Variants in LARGE1 observed in about 807,000 individuals in gnomAD.
LARGE1 encodes LARGE xylosyl- and glucuronyltransferase 1, also known as xylosyl- and glucuronyltransferase LARGE1.
In LARGE1, 43 loss-of-function variants were observed where a neutral mutation model predicts 87.6. That is an observed-to-expected ratio of 0.49 (90% confidence interval 0.38 to 0.63). LARGE1 has a LOEUF of 0.63. LARGE1 is among the 30% of genes least tolerant of loss of function. The probability of loss-of-function intolerance (pLI) is 0.00; values close to 1 mark genes in which losing one functional copy is unlikely to be tolerated. For missense variants in LARGE1, 802 were observed against 1,000.2 expected, an observed-to-expected ratio of 0.80 and a Z score of 2.67; for synonymous variants, 434 against 394.6, an observed-to-expected ratio of 1.10 and a Z score of -1.18.
chr22:33,181,933 C>T (rs899857387), intron 11 of LARGE1, among the ~76,000 whole-genome samples: 1 of 150,650 alleles, frequency 6.6e-6, no homozygotes, highest in Admixed American at 6.6e-5. Context: ...AGAGATTCTC[C>T]TGCCTCAGCC....
In LARGE1 at chr22:33,604,413, G is replaced by A. The variant is rs1427765520; in HGVS notation, c.615+22C>T. 4 of 1,613,796 alleles carry A rather than the reference G, an allele frequency of 2.5e-6. No individual in the cohort carries two copies. In the African/African-American group the frequency reaches 5.3e-5, roughly 22 times the overall value. On this transcript the variant is annotated intron_variant, in intron 5 of 14. Coordinates refer to ENST00000397394, the MANE Select transcript of LARGE1 (RefSeq NM_133642.5). ...CTTCCAGCTAGAGGAGATCACGGAA[G>A]TGCCTCCCCTCCTGCCCATACCTTG...
intron 10 of LARGE1, among the ~76,000 whole-genome samples, chr22:33,330,350 T>G (rs1937585075): frequency 6.6e-6 from 1 of 152,158 alleles, no homozygotes; most frequent in Admixed American, 6.5e-5. Flanking sequence ...AGGGACTGGG[T>G]TTTACTCCAT....
intron 5 of LARGE1, among the ~76,000 whole-genome samples, chr22:33,597,257 G>T (rs952448098): frequency 9.1e-5 from 13 of 142,688 alleles, no homozygotes; most frequent in Non-Finnish European, 1.8e-4. Context: ...CAATTCAGTT[G>T]CACTTCTTGG....
rs780587356 is a variant in LARGE1 at position 33,917,926 on chromosome 22, G to A, written c.-83+2069C>T. Among the ~76,000 whole-genome samples the A allele has an allele frequency of 7.9e-5, 12 of 152,080 alleles. No homozygotes were observed. The East Asian group carries it at 1.7e-3, about 22-fold the overall frequency. ...TCATGAACCCTCAAGATAAACCACA[G>A]TAACATGGGCCCTGGTGTTTTCTTC... On this transcript the variant is annotated intron_variant, in intron 1 of 14. Transcript: ENST00000397394.
chr22:33,536,104 A>G (rs911935294), intron 6 of LARGE1, among the ~76,000 whole-genome samples: 3 of 152,124 alleles, frequency 2.0e-5, no homozygotes, highest in Non-Finnish European at 4.4e-5. Flanking sequence ...ACAATACGGC[A>G]CTCTGAACAA....
rs555675340 is a variant in LARGE1 at position 33,472,049 on chromosome 22, C to CA, written c.788-39785dup. ...TGGGTGACACAGTGAGACTCTGACT[C>CA]AAAAAAAAAGAGTAGAGCCTCAGTG... On this transcript the variant is annotated intron_variant, in intron 6 of 14. Transcript: ENST00000397394. Among the ~76,000 whole-genome samples, 27 of 149,974 alleles carry CA rather than the reference C, an allele frequency of 1.8e-4. No homozygotes were observed. The East Asian group carries it at 2.5e-3, about 14-fold the overall frequency.
At chr22:33,714,588 T>C (rs184068527) in intron 2 of LARGE1, among the ~76,000 whole-genome samples, 54 of 152,284 alleles carry the variant, frequency 3.5e-4, no homozygotes, top group African/African-American at 9.1e-4. Flanking sequence ...AACAAATCAA[T>C]TGAAGGAAGG....
chr22:33,842,170 G>C (rs1405360753), intron 1 of LARGE1, among the ~76,000 whole-genome samples: 1 of 152,116 alleles, frequency 6.6e-6, no homozygotes, highest in Non-Finnish European at 1.5e-5. Flanking sequence ...AAAGCTTTTT[G>C]ATCTATTTTT....
chr22:33,343,259 C>T (rs1012633909), intron 9 of LARGE1, among the ~76,000 whole-genome samples: 1 of 152,072 alleles, frequency 6.6e-6, no homozygotes, highest in African/African-American at 2.4e-5. Context: ...GCTGGGACTA[C>T]AGGCACACAC....
intron 2 of LARGE1, among the ~76,000 whole-genome samples, chr22:33,697,740 G>A (rs1016458112): frequency 7.2e-5 from 11 of 152,018 alleles, no homozygotes; most frequent in African/African-American, 1.7e-4. Flanking sequence ...GTTCTTCAAA[G>A]AAGAAAGAGT....
intron 6 of LARGE1, among the ~76,000 whole-genome samples, chr22:33,511,158 C>T (rs1467388517): frequency 6.6e-6 from 1 of 152,180 alleles, no homozygotes; most frequent in Admixed American, 6.5e-5. Flanking sequence ...CCACATGTGG[C>T]AGCTGTACTC....
intron 2 of LARGE1, among the ~76,000 whole-genome samples, chr22:33,729,041 T>G (rs1260344426): frequency 6.6e-6 from 1 of 152,168 alleles, no homozygotes; most frequent in African/African-American, 2.4e-5. Context: ...AGAAACCAAT[T>G]TATGTAGTGT....
intron 1 of LARGE1, among the ~76,000 whole-genome samples, chr22:33,804,861 C>T (rs1488977870): frequency 6.6e-6 from 1 of 152,210 alleles, no homozygotes; most frequent in Admixed American, 6.5e-5. Context: ...TCACGGCTTT[C>T]AATGGCCTGC....
intron 6 of LARGE1, among the ~76,000 whole-genome samples, chr22:33,525,567 A>G (rs980228418): frequency 6.6e-6 from 1 of 152,236 alleles, no homozygotes; most frequent in Non-Finnish European, 1.5e-5. Context: ...TATCTATTAA[A>G]TACCATCCTG....
At chr22:33,193,545 C>T (rs1923901076) in intron 11 of LARGE1, among the ~76,000 whole-genome samples, 1 of 152,152 alleles carries the variant, frequency 6.6e-6, no homozygotes, top group South Asian at 2.1e-4. Flanking sequence ...GGCACGGTGG[C>T]TCATGCCTGT....
At chr22:33,102,734 G>A in the LARGE1 span, among the ~76,000 whole-genome samples, 11 of 151,946 alleles carry the variant, frequency 7.2e-5, no homozygotes, top group South Asian at 4.2e-4. Flanking sequence ...CAGGTGACCC[G>A]TCCGCCTCGG....
In LARGE1 at chr22:33,194,066, T is replaced by A. The variant is rs1923939940; in HGVS notation, c.1731-27234A>T. On this transcript the variant is annotated intron_variant, in intron 11 of 11. Coordinates refer to the LARGE1 transcript ENST00000608642. ...AAAATATGATAAATTTTATACTGTC[T>A]GCATTATTCATGTCATAAATTTTTA... Among the ~76,000 whole-genome samples, 3 of 151,390 alleles carry A rather than the reference T, an allele frequency of 2.0e-5. No homozygotes were observed. The South Asian group carries it at 6.2e-4, about 31-fold the overall frequency.
At chr22:33,289,746 T>C (rs1465530579) in intron 12 of LARGE1, among the ~76,000 whole-genome samples, 9 of 152,110 alleles carry the variant, frequency 5.9e-5, no homozygotes. Context: ...ACAGAGTAAA[T>C]TCACCTTTTC....
intron 2 of LARGE1, among the ~76,000 whole-genome samples, chr22:33,743,728 C>T (rs928441501): frequency 2.6e-5 from 4 of 152,228 alleles, no homozygotes; most frequent in Non-Finnish European, 4.4e-5. Flanking sequence ...GATATCACCA[C>T]CCCCATTTTA....
Sources: gnomAD v4.1 joint callset for allele counts (sites outside exome capture counted in the v4.1 genomes callset) on GRCh38, gnomAD v4.1.1 for gene constraint, MANE v1.5 for transcripts, NCBI Gene and HGNC (gene_info 2026-07-23, HGNC 2026-07-21) for gene names.